Variants in ANKRD28 observed in about 807,000 individuals in gnomAD.
The protein encoded by ANKRD28 is serine/threonine-protein phosphatase 6 regulatory ankyrin repeat subunit A.
ANKRD28 carries 44 observed loss-of-function variants against 126.5 expected under a neutral mutation model. The ratio of observed to expected loss-of-function variants is 0.35; its 90% CI spans 0.27 to 0.45. ANKRD28 has a LOEUF of 0.45. Ranked by LOEUF, ANKRD28 falls within the 20% of genes least tolerant of loss-of-function variation. The probability of loss-of-function intolerance (pLI) is 1.00; values close to 1 mark genes in which losing one functional copy is unlikely to be tolerated. For missense variants in ANKRD28, 1,110 were observed against 1,316.6 expected (o/e 0.84, Z 2.43); for synonymous variants, 442 against 468.5 (o/e 0.94, Z 0.73).
chr3:15,678,663 C>T (rs1315515433), intron 23 of ANKRD28, among the ~76,000 whole-genome samples: 3 of 152,030 alleles, frequency 2.0e-5, no homozygotes, highest in Non-Finnish European at 4.4e-5. Context: ...ATCTGAATAC[C>T]ACCACTTATT....
intron 6 of ANKRD28, chr3:15,733,589 A>G (rs1341268352): frequency 6.6e-6 from 1 of 152,230 alleles, no homozygotes; most frequent in African/African-American, 2.4e-5. Context: ...CATCTATTCA[A>G]TTGATATCAT....
intron 21 of ANKRD28, 149 bp downstream of exon 21, chr3:15,685,077 G>C (rs1038692513): frequency 1.4e-6 from 1 of 716,818 alleles, no homozygotes; most frequent in Non-Finnish European, 2.3e-6. Context: ...GTGAGCCTAC[G>C]TACTAAGTAT....
intron 2 of ANKRD28, among the ~76,000 whole-genome samples, chr3:15,771,672 T>C (rs1176276935): frequency 2.0e-5 from 3 of 152,166 alleles, no homozygotes; most frequent in African/African-American, 7.2e-5. Context: ...ACATTTCCCA[T>C]TAGGCTCCAC....
chr3:15,818,825 A>G (rs2060885607), intron 1 of ANKRD28, among the ~76,000 whole-genome samples: 1 of 152,212 alleles, frequency 6.6e-6, no homozygotes, highest in Admixed American at 6.5e-5. Context: ...ATTTTTCCTC[A>G]TTTAATTTAT....
intron 2 of ANKRD28, among the ~76,000 whole-genome samples, chr3:15,788,907 CA>C (rs201595381): frequency 6.7e-6 from 1 of 149,584 alleles, no homozygotes; most frequent in Non-Finnish European, 1.5e-5. Flanking sequence ...TTTACCCCCC[CA>C]AAAAAAAAGA....
intron 13 of ANKRD28, 121 bp downstream of exon 13, chr3:15,709,547 A>G (rs2071945737): frequency 5.1e-6 from 3 of 591,666 alleles, no homozygotes; most frequent in South Asian, 2.8e-5. Flanking sequence ...GGGACTCTCA[A>G]TGAATCATGA....
At position 15,670,212 on chromosome 3, in the gene ANKRD28, T is replaced by C; in HGVS notation, c.*58A>G. On this transcript the variant is annotated 3_prime_UTR_variant, in exon 28 of 28. Coordinates refer to ENST00000683139, the MANE Select transcript of ANKRD28 (RefSeq NM_001349278.2). Reference sequence around the variant, plus strand: ...TTCTACGTGAATATCAAAGTGCCTTTTTCCTGAAAAAGCACAGTTTGAAGC... The same window carrying C: ...TTCTACGTGAATATCAAAGTGCCTTCTTCCTGAAAAAGCACAGTTTGAAGC... 5.1e-6 allele frequency: 8 copies of C among 1,560,760 alleles called. No homozygotes were observed. Among genetic ancestry groups the C allele is most frequent in the Non-Finnish European group, 7.0e-6 (8 of 1,149,464 alleles).
intron 2 of ANKRD28, among the ~76,000 whole-genome samples, chr3:15,780,538 A>G (rs1361791780): frequency 1.3e-5 from 2 of 152,182 alleles, no homozygotes; most frequent in East Asian, 1.9e-4. Flanking sequence ...CAAAATTCCA[A>G]TGTAATTTTT....
chr3:15,831,339 A>T (rs2061185169), intron 1 of ANKRD28, among the ~76,000 whole-genome samples: 4 of 152,206 alleles, frequency 2.6e-5, no homozygotes, highest in Admixed American at 2.6e-4. Flanking sequence ...ATGTGCACAG[A>T]TCCAAATTGC....
rs926347166 is a variant in ANKRD28, at chr3:15,815,113, T to C, written c.28-19807A>G. On this transcript the variant is annotated intron_variant, in intron 1 of 27. Transcript: ENST00000399451. The surrounding 1 kb of genome is among the most constrained non-coding windows in gnomAD (Gnocchi z 4.1). ...TATAATAATTTTTCTAAGAATATTA[T>C]ATATTCTTGTATAATACTTTTCCCA... Among the ~76,000 whole-genome samples the C allele has an allele frequency of 2.6e-5, 4 of 151,766 alleles. No homozygotes were observed. Among genetic ancestry groups the C allele is most frequent in the Non-Finnish European group, 5.9e-5 (4 of 67,944 alleles).
chr3:15,709,172 A>T (rs1453189765), intron 13 of ANKRD28, among the ~76,000 whole-genome samples: 1 of 152,160 alleles, frequency 6.6e-6, no homozygotes, highest in Non-Finnish European at 1.5e-5. Flanking sequence ...GTGTGGATAT[A>T]TGTGTGTGAG....
At chr3:15,752,737 C>T (rs1156667323) in intron 3 of ANKRD28, among the ~76,000 whole-genome samples, 3 of 152,114 alleles carry the variant, frequency 2.0e-5, no homozygotes, top group Admixed American at 2.0e-4. Flanking sequence ...AATAACCTAA[C>T]GTTGGGGTCA....
At chr3:15,677,174 A>C (rs1285008257) in intron 25 of ANKRD28, 118 bp from the exon 26 acceptor site, 5 of 801,494 alleles carry the variant, frequency 6.2e-6, no homozygotes, top group African/African-American at 1.7e-5. Flanking sequence ...TATACCATGA[A>C]TTTTCCTGGC....
intron 1 of ANKRD28, among the ~76,000 whole-genome samples, chr3:15,842,917 T>A (rs1357975059): frequency 6.6e-6 from 1 of 152,184 alleles, no homozygotes; most frequent in East Asian, 1.9e-4. Flanking sequence ...AGTTATACTG[T>A]TATATATAGC....
Position 15,838,691 on chromosome 3 carries a change from T to A in ANKRD28, c.27+20686A>T, listed in dbSNP as rs1456677380. Among the ~76,000 whole-genome samples the A allele has an allele frequency of 1.3e-5, 2 of 150,678 alleles. No individual in the cohort carries two copies. The highest frequency in any genetic ancestry group is 2.9e-5 in the Non-Finnish European group (2 of 67,908). ...TGAACCCAGGAGGTAGAGGTTGCAG[T>A]GAGCCGGGACCACGCCACTGCACTC... On this transcript the variant is annotated intron_variant, in intron 1 of 27. Coordinates refer to the ANKRD28 transcript ENST00000399451. This position sits in a 1 kb window ranked among gnomAD's most constrained non-coding sequence, Gnocchi z 4.0.
At position 15,796,490 on chromosome 3, in the gene ANKRD28, T is replaced by C. The variant is rs1209873775; in HGVS notation, c.32A>G (p.Glu11Gly). Residue 11 changes from glutamate (E) to glycine (G), a missense_variant, in exon 1 of 28, where the codon GAG becomes GGG. Physicochemically the swap from Glu to Gly is moderately conservative, Grantham distance 98. Transcript: ENST00000683139. ...GAATGCAGGAGATTCATCTTCTACC[T>C]CCTCCAAAACAACAATACACACTCG... The part of the protein sequence containing the change: MSRVCIVVLE[E>G]VEDESPAFIS... 2.3e-6 allele frequency: 3 copies of C among 1,288,960 alleles called. No homozygotes were observed. Among genetic ancestry groups the C allele is most frequent in the Middle Eastern group, 2.1e-4 (1 of 4,710 alleles). The allele number at this position is 1,288,960 out of a possible 1,614,324, so 79.8% of individuals were successfully genotyped here.
At chr3:15,733,180 C>A (rs2074773262) in intron 6 of ANKRD28, 2 of 152,166 alleles carry the variant, frequency 1.3e-5, no homozygotes. Flanking sequence ...AAAACAAAAA[C>A]AAAAACACAT....
chr3:15,716,252 G>A (rs1041000938), intron 8 of ANKRD28, among the ~76,000 whole-genome samples: 1 of 148,548 alleles, frequency 6.7e-6, no homozygotes, highest in Non-Finnish European at 1.5e-5. Context: ...AAAGTGCTAG[G>A]ATTACAGGCA....
chr3:15,808,765 T>C (rs571448360), intron 1 of ANKRD28, among the ~76,000 whole-genome samples: 1 of 152,294 alleles, frequency 6.6e-6, no homozygotes, highest in East Asian at 1.9e-4. Context: ...TTTTGTTTGT[T>C]TGTTTGTTTT....
Sources: gnomAD v4.1 joint callset for allele counts (sites outside exome capture counted in the v4.1 genomes callset) on GRCh38, gnomAD v4.1.1 for gene constraint, Gnocchi (gnomAD v3.1) non-coding constraint, MANE v1.5 for transcripts, NCBI Gene and HGNC (gene_info 2026-07-23, HGNC 2026-07-21) for gene names.